LHPP: variants seen among roughly 807,000 people sequenced by gnomAD.
LHPP encodes the protein phospholysine phosphohistidine inorganic pyrophosphate phosphatase, also known as hLHPP.
LHPP carries 24 observed loss-of-function variants against 30.3 expected under a neutral mutation model. That is an observed-to-expected ratio of 0.79 (90% CI 0.57 to 1.11). The LOEUF (loss-of-function observed/expected upper bound fraction) is 1.11, where lower values mean the gene tolerates loss of function less well. Ranked by LOEUF, LHPP falls within the 50% of genes most tolerant of loss-of-function variation. LHPP has a pLI of 0.00. For synonymous variants in LHPP, 150 were observed against 157.1 expected, an observed-to-expected ratio of 0.95 and a Z score of 0.34; for missense variants, 356 against 367.2, an observed-to-expected ratio of 0.97 and a Z score of 0.25.
chr10:124,510,260 C>T lies in LHPP; in HGVS notation c.625-6920C>T, dbSNP rs1954265019. Among the ~76,000 whole-genome samples, 1 of 152,220 alleles carries T rather than the reference C, an allele frequency of 6.6e-6. No homozygotes were observed. The highest frequency in any genetic ancestry group is 2.4e-5 in the African/African-American group (1 of 41,454). ...ATCCTAAATGATTTGGCAATAATTG[C>T]TCCTCCTTGCGTGATTATTGCCCTT... On this transcript the variant is annotated intron_variant, in intron 5 of 6. Coordinates refer to ENST00000368842, the MANE Select transcript of LHPP (RefSeq NM_022126.4). This position sits in a 1 kb window ranked among gnomAD's most constrained non-coding sequence, Gnocchi z 4.0.
intron 5 of LHPP, among the ~76,000 whole-genome samples, chr10:124,509,195 G>T (rs1035948889): frequency 6.6e-6 from 1 of 152,158 alleles, no homozygotes; most frequent in Non-Finnish European, 1.5e-5. Context: ...AGCTGCAAAC[G>T]ACATGACCTT....
At chr10:124,604,173 C>T (rs915499211) in intron 6 of LHPP, among the ~76,000 whole-genome samples, 5 of 152,326 alleles carry the variant, frequency 3.3e-5, no homozygotes, top group Admixed American at 2.0e-4. Flanking sequence ...TGTCATTCCC[C>T]GACCTGCTTC....
At chr10:124,529,813 GCACACACA>G (rs3083540) in intron 6 of LHPP, among the ~76,000 whole-genome samples, 2 of 147,086 alleles carry the variant, frequency 1.4e-5, no homozygotes, top group African/African-American at 5.0e-5. Context: ...ACACACACAC[GCACACACA>G]CACACACACA....
Position 124,496,962 on chromosome 10 carries a change from C to A in LHPP, c.469C>A (p.Arg157Ser), listed in dbSNP as rs199754897. The change falls in exon 4 of 7, where the codon CGT becomes AGT. Residue 157 changes from arginine to serine, a missense_variant and splice_region_variant. Arg to Ser is a moderately radical substitution (Grantham distance 110). Transcript: ENST00000368842. The surrounding 1 kb of genome is among the most constrained non-coding windows in gnomAD (Gnocchi z 4.3). Reference sequence around the variant, plus strand: ...GTGCTCCGTTCTGCTCTCTCCTAGGCGTTACTACAAGGAGACCTCTGGCCT... The same window carrying A: ...GTGCTCCGTTCTGCTCTCTCCTAGGAGTTACTACAAGGAGACCTCTGGCCT... Reference protein sequence around the residue: ...KPVLISLGKGRYYKETSGLML... With the variant: ...KPVLISLGKGSYYKETSGLML... 6.2e-7 allele frequency: 1 copy of A among 1,613,660 alleles called. No homozygotes were observed. Among genetic ancestry groups the A allele is most frequent in the Admixed American group, 1.7e-5 (1 of 59,964 alleles).
chr10:124,482,585 G>T (rs1953175580), intron 1 of LHPP, among the ~76,000 whole-genome samples: 1 of 152,014 alleles, frequency 6.6e-6, no homozygotes, highest in Non-Finnish European at 1.5e-5. Context: ...TGTGATCTTG[G>T]CGAGGGAGCC....
chr10:124,533,784 A>G (rs547855187), intron 6 of LHPP, among the ~76,000 whole-genome samples: 1 of 152,346 alleles, frequency 6.6e-6, no homozygotes, highest in African/African-American at 2.4e-5. Flanking sequence ...GAACAAGACC[A>G]TGTGGCCTGA....
intron 6 of LHPP, among the ~76,000 whole-genome samples, chr10:124,608,087 C>T (rs1949119069): frequency 6.6e-6 from 1 of 152,148 alleles, no homozygotes; most frequent in Admixed American, 6.5e-5. Context: ...ACTGGTCCTT[C>T]CCGCAGGCAC....
intron 6 of LHPP, among the ~76,000 whole-genome samples, chr10:124,534,715 C>T (rs968003767): frequency 1.3e-5 from 2 of 152,194 alleles, no homozygotes; most frequent in Non-Finnish European, 2.9e-5. Context: ...GGTTCCTATG[C>T]GCTCTCGGGG....
chr10:124,594,308 C>T (rs931380951), intron 6 of LHPP, among the ~76,000 whole-genome samples: 15 of 112,106 alleles, frequency 1.3e-4, no homozygotes, highest in South Asian at 3.5e-4. Flanking sequence ...CCAGCCTGGG[C>T]GGCAGAGTGA....
chr10:124,587,512 G>A (rs1348100719), intron 6 of LHPP, among the ~76,000 whole-genome samples: 7 of 151,456 alleles, frequency 4.6e-5, no homozygotes, highest in African/African-American at 1.5e-4. Context: ...AGGCCGAGAC[G>A]GGCGGATCAC....
chr10:124,545,329 C>T (rs1399323425), intron 6 of LHPP, among the ~76,000 whole-genome samples: 1 of 152,186 alleles, frequency 6.6e-6, no homozygotes, highest in African/African-American at 2.4e-5. Context: ...GAGATCATGC[C>T]CATAACATAG....
Position 124,576,707 on chromosome 10 carries a change from G to A in LHPP, c.717-36557G>A, listed in dbSNP as rs1397222365. 2.0e-5 allele frequency among the ~76,000 whole-genome samples: 3 copies of A among 152,106 alleles called. No individual in the cohort carries two copies. Among genetic ancestry groups the A allele is most frequent in the South Asian group, 2.1e-4 (1 of 4,830 alleles). On this transcript the variant is annotated intron_variant, in intron 6 of 6. Transcript: ENST00000368842. The surrounding 1 kb of genome is among the most constrained non-coding windows in gnomAD (Gnocchi z 4.2). ...GCGAGGGATAGGCAGAGCTGAGGGC[G>A]GGGGTACTGGGGGGCTGAGGGGGGT... is the stretch of plus-strand genomic sequence containing the variant.
chr10:124,511,146 A>G (rs7068945), intron 5 of LHPP, among the ~76,000 whole-genome samples: 3,419 of 152,340 alleles, frequency 0.022, 106 homozygotes, highest in African/African-American at 0.077. Flanking sequence ...TATTTTTACC[A>G]TATCTGGGTA....
intron 6 of LHPP, among the ~76,000 whole-genome samples, chr10:124,559,393 C>T (rs1948355058): frequency 6.6e-6 from 1 of 152,212 alleles, no homozygotes; most frequent in Admixed American, 6.5e-5. Flanking sequence ...AGCACCTGCC[C>T]CTGTGGTGTA....
intron 6 of LHPP, among the ~76,000 whole-genome samples, chr10:124,609,636 A>G (rs1388860588): frequency 1.3e-5 from 2 of 152,210 alleles, no homozygotes; most frequent in Admixed American, 6.5e-5. Flanking sequence ...CCAGGTCAAG[A>G]TCTAGAACAT....
chr10:124,519,033 C>T (rs1444501823), intron 6 of LHPP, among the ~76,000 whole-genome samples: 1 of 152,144 alleles, frequency 6.6e-6, no homozygotes, highest in African/African-American at 2.4e-5. Context: ...CTGCAACCTC[C>T]GCCTCCCAGG....
chr10:124,511,818 G>A (rs1954306968), intron 5 of LHPP, among the ~76,000 whole-genome samples: 1 of 152,200 alleles, frequency 6.6e-6, no homozygotes, highest in Non-Finnish European at 1.5e-5. Context: ...GCTTATATGT[G>A]TGTGCTTTCT....
At chr10:124,533,013 A>ATGGACATATTT (rs1954935802) in intron 6 of LHPP, among the ~76,000 whole-genome samples, 1 of 152,190 alleles carries the variant, frequency 6.6e-6, no homozygotes, top group African/African-American at 2.4e-5. Context: ...CATCTGTAAA[A>ATGGACATATTT]TGGACTTATT....
intron 1 of LHPP, among the ~76,000 whole-genome samples, chr10:124,474,232 T>C (rs1952875748): frequency 6.9e-6 from 1 of 145,522 alleles, no homozygotes; most frequent in Non-Finnish European, 1.5e-5. Flanking sequence ...CTCGACCTCC[T>C]GGGCTCAAGC....
Sources: gnomAD v4.1 joint callset for allele counts (sites outside exome capture counted in the v4.1 genomes callset) on GRCh38, gnomAD v4.1.1 for gene constraint, Gnocchi (gnomAD v3.1) non-coding constraint, MANE v1.5 for transcripts, NCBI Gene and HGNC (gene_info 2026-07-23, HGNC 2026-07-21) for gene names.